PIP5K1B: variants seen among roughly 807,000 people sequenced by gnomAD.
PIP5K1B encodes phosphatidylinositol 4-phosphate 5-kinase type-1 beta.
A neutral mutation model predicts 67.0 loss-of-function variants in PIP5K1B; 42 were observed. That is an observed-to-expected ratio of 0.63 (90% CI 0.49 to 0.81). The LOEUF (loss-of-function observed/expected upper bound fraction) is 0.81. Ranked by LOEUF, PIP5K1B falls within the 30% of genes least tolerant of loss-of-function variation. The probability of loss-of-function intolerance (pLI) is 0.00; values close to 1 mark genes in which losing one functional copy is unlikely to be tolerated. For missense variants in PIP5K1B, 459 were observed against 646.3 expected (o/e 0.71, Z 3.14); for synonymous variants, 214 against 231.4 (o/e 0.92, Z 0.68).
At chr9:68,732,857 A>G (rs1353612964) in intron 1 of PIP5K1B, among the ~76,000 whole-genome samples, 2 of 143,758 alleles carry the variant, frequency 1.4e-5, no homozygotes, top group Non-Finnish European at 3.0e-5. Flanking sequence ...GATTACTGGC[A>G]CAGTGGGCAG....
intron 7 of PIP5K1B, among the ~76,000 whole-genome samples, chr9:68,893,658 G>T (rs1824930019): frequency 6.6e-6 from 1 of 152,052 alleles, no homozygotes; most frequent in South Asian, 2.1e-4. Context: ...TAATAAAAAA[G>T]ACAACAGACT....
intron 12 of PIP5K1B, among the ~76,000 whole-genome samples, chr9:68,926,510 G>A (rs770132958): frequency 2.6e-5 from 4 of 151,776 alleles, no homozygotes; most frequent in Non-Finnish European, 5.9e-5. Context: ...AAGTGTACAG[G>A]CCTATGATTC....
chr9:68,957,758 G>A (rs1343389913), intron 14 of PIP5K1B, among the ~76,000 whole-genome samples: 3 of 152,164 alleles, frequency 2.0e-5, no homozygotes, highest in Non-Finnish European at 4.4e-5. Flanking sequence ...CTTAAGTGGG[G>A]TCTTACAGCC....
At chr9:68,868,453 T>G (rs574692216) in intron 5 of PIP5K1B, among the ~76,000 whole-genome samples, 3 of 152,332 alleles carry the variant, frequency 2.0e-5, no homozygotes, top group African/African-American at 7.2e-5. Context: ...AATTTGACCC[T>G]AAGACATTAA....
intron 4 of PIP5K1B, among the ~76,000 whole-genome samples, chr9:68,854,701 C>T (rs540677926): frequency 1.3e-5 from 2 of 152,244 alleles, no homozygotes; most frequent in Admixed American, 6.5e-5. Context: ...AGTAGCAATA[C>T]CTTCATTGGA....
intron 2 of PIP5K1B, among the ~76,000 whole-genome samples, chr9:68,746,187 T>A (rs1829299171): frequency 6.6e-6 from 1 of 151,622 alleles, no homozygotes; most frequent in Non-Finnish European, 1.5e-5. Context: ...CATGCTACTC[T>A]TGTGCCTCAG....
At position 68,934,930 on chromosome 9, in the gene PIP5K1B, C is replaced by T. The variant is rs752697850; in HGVS notation, c.1242C>T (p.Ile414=). 5 of 1,612,728 alleles carry T rather than the reference C, an allele frequency of 3.1e-6. No homozygotes were observed. In the South Asian group the frequency reaches 3.3e-5, roughly 11 times the overall value. ...CGTCTAAGAAACGGTGCAATTCAAT[C>T]GCCGCCCTAAAGGCCACTTCACAGG... ...ASPSKKRCNS[I]AALKATSQEI... The change falls in exon 13 of 16, where the codon ATC becomes ATT. Residue 414 remains isoleucine, a synonymous_variant. Coordinates refer to ENST00000265382, the MANE Select transcript of PIP5K1B (RefSeq NM_003558.4).
chr9:68,787,002 A>G (rs12339235), intron 2 of PIP5K1B, among the ~76,000 whole-genome samples: 25,164 of 152,156 alleles, frequency 0.17, 2,179 homozygotes, highest in African/African-American at 0.19. Context: ...ATGGAAAATG[A>G]GTCGGCCCTC....
At position 68,750,441 on chromosome 9, in the gene PIP5K1B, G is replaced by A. The variant is rs185289818; in HGVS notation, c.-86+7784G>A. 4.3e-4 allele frequency among the ~76,000 whole-genome samples: 65 copies of A among 152,238 alleles called. No individual in the cohort carries two copies. The East Asian group carries it at 7.5e-3, about 18-fold the overall frequency. ...ATTCCATAATTACAGCTTTCTCGTC[G>A]GTGACGTAGCTGTTGCATTCACTTA... On this transcript the variant is annotated intron_variant, in intron 2 of 15. Transcript: ENST00000265382.
rs113151542 is a variant in PIP5K1B, at chr9:68,743,207, CT to C, written c.-86+567del. Among the ~76,000 whole-genome samples the C allele has an allele frequency of 7.0e-3, 963 of 137,462 alleles. 6 individuals are homozygous for C. The highest frequency in any genetic ancestry group is 0.015 in the African/African-American group (580 of 37,472). 90.2% of individuals were successfully genotyped at this position (137,462 alleles called of 152,430 possible). On this transcript the variant is annotated intron_variant, in intron 2 of 15. Transcript: ENST00000265382. ...TTTTAAAATAGCCCAAATACCAAAA[CT>C]TTTTTTTTTTTTTTTTCGAAACAGG...
At chr9:68,779,347 C>T (rs1375338174) in intron 2 of PIP5K1B, among the ~76,000 whole-genome samples, 1 of 152,154 alleles carries the variant, frequency 6.6e-6, no homozygotes, top group Non-Finnish European at 1.5e-5. Context: ...GGCTTCTTCC[C>T]CTAACCTAAA....
At chr9:68,777,928 C>G (rs1220007047) in intron 2 of PIP5K1B, among the ~76,000 whole-genome samples, 2 of 152,196 alleles carry the variant, frequency 1.3e-5, no homozygotes, top group East Asian at 3.8e-4. Context: ...AGCATTCTTT[C>G]AGCCACTTAC....
In PIP5K1B at chr9:68,814,331, C is replaced by T. The variant is rs148506255; in HGVS notation, c.-85-4130C>T. On this transcript the variant is annotated intron_variant, in intron 2 of 15. Coordinates refer to ENST00000265382, the MANE Select transcript of PIP5K1B (RefSeq NM_003558.4). ...AATCAAAAAGATAATATGAGCAAAC[C>T]AGCAAAGAAATAATGAGTAAAAATA... Among the ~76,000 whole-genome samples, 586 of 152,110 alleles carry T rather than the reference C, an allele frequency of 3.9e-3. 2 individuals are homozygous for T. Among genetic ancestry groups the T allele is most frequent in the African/African-American group, 0.013 (539 of 41,498 alleles).
chr9:68,903,277 A>G (rs1273324184), intron 8 of PIP5K1B, among the ~76,000 whole-genome samples: 1 of 152,250 alleles, frequency 6.6e-6, no homozygotes, highest in African/African-American at 2.4e-5. Context: ...TTCTTGGAAT[A>G]GTGAATCTTA....
chr9:68,951,755 C>T (rs1411401312), intron 14 of PIP5K1B, among the ~76,000 whole-genome samples: 1 of 152,108 alleles, frequency 6.6e-6, no homozygotes, highest in East Asian at 1.9e-4. Context: ...AAACTCTATG[C>T]CCAGAGTTTA....
At position 68,780,825 on chromosome 9, in the gene PIP5K1B, A is replaced by G; in HGVS notation, c.-85-37636A>G. 3 of 1,614,254 alleles carry G rather than the reference A, an allele frequency of 1.9e-6. No individual in the cohort carries two copies. Among genetic ancestry groups the G allele is most frequent in the South Asian group, 2.2e-5 (2 of 91,088 alleles). ...TCAGCCAAAGAGATTTTTCCAGGGCATCACCAACATGCTTTCTTCTGACGT... is the reference window on the plus strand; with the variant it reads ...TCAGCCAAAGAGATTTTTCCAGGGCGTCACCAACATGCTTTCTTCTGACGT... On this transcript the variant is annotated intron_variant, in intron 2 of 15. Transcript: ENST00000265382.
chr9:68,785,828 T>C (rs1831582157), intron 2 of PIP5K1B, among the ~76,000 whole-genome samples: 1 of 152,228 alleles, frequency 6.6e-6, no homozygotes, highest in African/African-American at 2.4e-5. Context: ...GCATCCTTGA[T>C]GGATGAAACT....
chr9:68,979,933 C>T (rs970114878), intron 14 of PIP5K1B, among the ~76,000 whole-genome samples: 11 of 152,228 alleles, frequency 7.2e-5, no homozygotes, highest in African/African-American at 2.7e-4. Context: ...ACAAGCAGAT[C>T]TCTGAAAGCC....
chr9:68,880,531 G>T (rs1280182345), intron 6 of PIP5K1B, among the ~76,000 whole-genome samples: 1 of 150,592 alleles, frequency 6.6e-6, no homozygotes, highest in African/African-American at 2.5e-5. Context: ...CTCCAGCCTG[G>T]GCGGCAGAGC....
Sources: allele counts gnomAD v4.1 joint callset (sites outside exome capture counted in the v4.1 genomes callset), GRCh38; gene constraint gnomAD v4.1.1; transcripts MANE v1.5; gene names NCBI Gene and HGNC (gene_info 2026-07-23, HGNC 2026-07-21).